The following EDIL3 variants were observed in gnomAD, a reference collection of about 807,000 sequenced individuals.
The protein encoded by EDIL3 is EGF like and discoidin domains 3.
In EDIL3, 37 loss-of-function variants were observed where a neutral mutation model predicts 67.4. That is an observed-to-expected ratio of 0.55 (90% CI 0.42 to 0.72). The LOEUF (loss-of-function observed/expected upper bound fraction) is 0.72. Among genes scored for constraint, EDIL3 ranks in the 30% least tolerant of loss-of-function variants. EDIL3 has a pLI of 0.00. For synonymous variants in EDIL3, 195 were observed against 196.3 expected (o/e 0.99, Z 0.05); for missense variants, 527 against 586.3 (o/e 0.90, Z 1.04).
At chr5:84,032,357 T>G (rs1745939016) in intron 9 of EDIL3, among the ~76,000 whole-genome samples, 1 of 152,226 alleles carries the variant, frequency 6.6e-6, no homozygotes, top group Admixed American at 6.5e-5. Flanking sequence ...AAAATAGAAC[T>G]ATTAAATCTT....
chr5:84,295,810 A>ATGGAAGC (rs1746040141), intron 1 of EDIL3, among the ~76,000 whole-genome samples: 1 of 152,284 alleles, frequency 6.6e-6, no homozygotes, highest in East Asian at 1.9e-4. Context: ...CTATGTTTTA[A>ATGGAAGC]TGGAAGCATT....
intron 4 of EDIL3, among the ~76,000 whole-genome samples, chr5:84,147,559 T>C (rs571999483): frequency 1.3e-5 from 2 of 152,202 alleles, no homozygotes; most frequent in Admixed American, 1.3e-4. Context: ...TATATGAAAC[T>C]TGCAGGTAAC....
chr5:84,059,887 T>C (rs565696584), intron 9 of EDIL3, among the ~76,000 whole-genome samples: 2 of 152,310 alleles, frequency 1.3e-5, no homozygotes, highest in Admixed American at 1.3e-4. Context: ...AAGGAGCTAA[T>C]ATGTCATGAG....
At chr5:84,091,111 T>C (rs1483440834) in intron 6 of EDIL3, among the ~76,000 whole-genome samples, 3 of 152,156 alleles carry the variant, frequency 2.0e-5, no homozygotes, top group South Asian at 2.1e-4. Context: ...AAAGAGAGGA[T>C]AGTGAAGAGG....
At position 84,117,075 on chromosome 5, in the gene EDIL3, G is replaced by T. The variant is rs1371022542; in HGVS notation, c.470-10245C>A. Reference sequence around the variant, plus strand: ...CGGAGTCTCGCTCTGTGGCCCAGGCGGGAGTGCAGTGGCGCAATCTCGGCT... The same window carrying T: ...CGGAGTCTCGCTCTGTGGCCCAGGCTGGAGTGCAGTGGCGCAATCTCGGCT... On this transcript the variant is annotated intron_variant, in intron 5 of 10. Coordinates refer to ENST00000296591, the MANE Select transcript of EDIL3 (RefSeq NM_005711.5). 4.7e-3 allele frequency among the ~76,000 whole-genome samples: 610 copies of T among 130,310 alleles called. 6 individuals carry two copies. The highest frequency in any genetic ancestry group is 0.017 in the African/African-American group (581 of 33,394). 85.5% of individuals were successfully genotyped at this position (130,310 alleles called of 152,430 possible).
Position 84,024,798 on chromosome 5 carries a change from T to A in EDIL3, c.1137+35502A>T, listed in dbSNP as rs1282959379. Among the ~76,000 whole-genome samples, 3 of 95,658 alleles carry A rather than the reference T, an allele frequency of 3.1e-5. No homozygotes were observed. The East Asian group carries it at 1.3e-3, about 40-fold the overall frequency. 62.8% of individuals were successfully genotyped at this position (95,658 alleles called of 152,430 possible). On this transcript the variant is annotated intron_variant, in intron 9 of 10. Transcript: ENST00000296591. ...TAGCACCCTTAAGAACACAACTTCT[T>A]TCTATTTTTTTTTTCACTCTATTAC...
intron 9 of EDIL3, among the ~76,000 whole-genome samples, chr5:84,032,217 G>C (rs1310789703): frequency 6.6e-6 from 1 of 152,116 alleles, no homozygotes; most frequent in Non-Finnish European, 1.5e-5. Context: ...GTAATCCACT[G>C]GCATAACCTT....
chr5:84,006,838 G>T (rs7716262), intron 9 of EDIL3, among the ~76,000 whole-genome samples: 17,506 of 151,988 alleles, frequency 0.12, 2,457 homozygotes, highest in African/African-American at 0.34. Flanking sequence ...TTGTTCTCCT[G>T]TCTTTTTTAA....
Position 83,943,056 on chromosome 5 carries a change from C to CA in EDIL3, c.*362dup, listed in dbSNP as rs1460634322. Reference sequence around the variant, plus strand: ...TGAGTATTGATTGTAAAAGCTCTATCAACTCTTGCTCTTATTTGATGACTT... The same window carrying CA: ...TGAGTATTGATTGTAAAAGCTCTATCAAACTCTTGCTCTTATTTGATGACTT... On this transcript the variant is annotated 3_prime_UTR_variant, in exon 11 of 11. Coordinates refer to ENST00000296591, the MANE Select transcript of EDIL3 (RefSeq NM_005711.5). 1 of 227,230 alleles carries CA rather than the reference C, an allele frequency of 4.4e-6. No individual in the cohort carries two copies. The highest frequency in any genetic ancestry group is 8.8e-6 in the Non-Finnish European group (1 of 113,892). 14.1% of individuals were successfully genotyped at this position (227,230 alleles called of 1,614,324 possible). A position where few individuals can be genotyped will look rare whatever the true frequency, so the allele number is the denominator to read the frequency against.
At chr5:84,184,098 C>T (rs898344714) in intron 3 of EDIL3, among the ~76,000 whole-genome samples, 1 of 152,138 alleles carries the variant, frequency 6.6e-6, no homozygotes, top group Non-Finnish European at 1.5e-5. Flanking sequence ...AAGAGCAAAA[C>T]TCCATCTCAG....
At chr5:84,066,423 TA>T in intron 7 of EDIL3, 27 bp downstream of exon 7, 1 of 1,559,304 alleles carries the variant, frequency 6.4e-7, no homozygotes, top group South Asian at 1.2e-5. Flanking sequence ...ATTTTTCTTT[TA>T]AATTAAGTAG....
At chr5:84,317,217 A>G (rs1746531807) in intron 1 of EDIL3, among the ~76,000 whole-genome samples, 1 of 152,210 alleles carries the variant, frequency 6.6e-6, no homozygotes, top group Admixed American at 6.5e-5. Context: ...AATCAAGAGC[A>G]AACACATTCA....
At chr5:84,148,358 G>A (rs1748324649) in intron 4 of EDIL3, among the ~76,000 whole-genome samples, 1 of 152,076 alleles carries the variant, frequency 6.6e-6, no homozygotes. Context: ...AGGAATGAAA[G>A]GCAGCATTTA....
rs372262333 is a variant in EDIL3, at chr5:83,993,904, C to T, written c.1138-30544G>A. On this transcript the variant is annotated intron_variant, in intron 9 of 10. Coordinates refer to ENST00000296591, the MANE Select transcript of EDIL3 (RefSeq NM_005711.5). ...AATCCTAAGCCTCTGAGAAATATAA[C>T]TGGGAAACAACCAATTTAAAATATG... 1.1e-3 allele frequency among the ~76,000 whole-genome samples: 167 copies of T among 152,270 alleles called. 5 individuals carry two copies. In the South Asian group the frequency reaches 0.033, roughly 30 times the overall value.
chr5:84,056,557 A>G (rs1464971853), intron 9 of EDIL3, among the ~76,000 whole-genome samples: 1 of 152,140 alleles, frequency 6.6e-6, no homozygotes, highest in Non-Finnish European at 1.5e-5. Context: ...ACTATATGAC[A>G]ATTAGGCATG....
intron 5 of EDIL3, among the ~76,000 whole-genome samples, chr5:84,108,128 T>C (rs1008362587): frequency 1.3e-5 from 2 of 151,678 alleles, no homozygotes; most frequent in African/African-American, 4.8e-5. Flanking sequence ...AATTAAATGT[T>C]TACACTTAGA....
rs374329680 is a variant in EDIL3, at chr5:83,963,732, C to T, written c.1138-372G>A. On this transcript the variant is annotated intron_variant, in intron 9 of 10. Coordinates refer to ENST00000296591, the MANE Select transcript of EDIL3 (RefSeq NM_005711.5). ...CTTCTTGAGATTGATCACTACCTGC[C>T]AGAACTTTACTTATAGTTCAATTTT... 7.3e-5 allele frequency among the ~76,000 whole-genome samples: 11 copies of T among 150,416 alleles called. No individual in the cohort carries two copies. In the East Asian group the frequency reaches 1.6e-3, roughly 22 times the overall value.
chr5:84,203,681 T>C (rs930313691), intron 3 of EDIL3, among the ~76,000 whole-genome samples: 5 of 152,182 alleles, frequency 3.3e-5, no homozygotes, highest in African/African-American at 1.2e-4. Flanking sequence ...ATGGAAGCAC[T>C]GTACTCGCAC....
At chr5:84,266,219 T>C (rs1745343012) in intron 1 of EDIL3, among the ~76,000 whole-genome samples, 1 of 152,190 alleles carries the variant, frequency 6.6e-6, no homozygotes, top group South Asian at 2.1e-4. Context: ...ATCAATAGCC[T>C]CACTGCATTG....
Sources: allele counts gnomAD v4.1 joint callset (sites outside exome capture counted in the v4.1 genomes callset), GRCh38; gene constraint gnomAD v4.1.1; transcripts MANE v1.5; gene names NCBI Gene and HGNC (gene_info 2026-07-23, HGNC 2026-07-21).